Variants in NPHP4 observed in about 807,000 individuals in gnomAD.
NPHP4 encodes nephrocystin-4.
A neutral mutation model predicts 155.8 loss-of-function variants in NPHP4; 151 were observed. That is an observed-to-expected ratio of 0.97 (90% CI 0.85 to 1.11). The LOEUF (loss-of-function observed/expected upper bound fraction) is 1.11. Among genes scored for constraint, NPHP4 ranks in the 50% least tolerant of loss-of-function variants. NPHP4 has a pLI of 0.00. For missense variants in NPHP4, 1,956 were observed against 1,925.7 expected (o/e 1.02, Z -0.29); for synonymous variants, 845 against 816.8 (o/e 1.03, Z -0.59).
intron 11 of NPHP4, among the ~76,000 whole-genome samples, chr1:5,916,828 C>T (rs1474285021): frequency 6.6e-6 from 1 of 152,216 alleles, no homozygotes; most frequent in Non-Finnish European, 1.5e-5. Flanking sequence ...GCCAACATGG[C>T]GAAACCCCAT....
chr1:5,949,849 GCAAAGAC>G (rs1245710812), intron 7 of NPHP4, among the ~76,000 whole-genome samples: 1 of 152,252 alleles, frequency 6.6e-6, no homozygotes, highest in South Asian at 2.1e-4. Context: ...AGGGAAACCA[GCAAAGAC>G]CAAACCATGA....
intron 9 of NPHP4, among the ~76,000 whole-genome samples, chr1:5,934,195 A>G (rs1241665425): frequency 2.6e-5 from 4 of 152,138 alleles, no homozygotes; most frequent in African/African-American, 9.7e-5. Context: ...CTGCCTGCAG[A>G]TCCTGCAGGC....
chr1:5,914,325 A>G (rs1645351342), intron 11 of NPHP4, among the ~76,000 whole-genome samples: 1 of 148,664 alleles, frequency 6.7e-6, no homozygotes, highest in Admixed American at 6.8e-5. Flanking sequence ...TCCCAGCTAC[A>G]TGGGAGGCAG....
chr1:5,961,556 C>T (rs1177306515), intron 6 of NPHP4, among the ~76,000 whole-genome samples: 1 of 152,154 alleles, frequency 6.6e-6, no homozygotes, highest in Non-Finnish European at 1.5e-5. Flanking sequence ...ATTTTCCCAA[C>T]CAAAGCAGCC....
intron 6 of NPHP4, 106 bp from the exon 7 acceptor site, chr1:5,952,942 C>T (rs1326795528): frequency 5.7e-6 from 6 of 1,054,832 alleles, no homozygotes; most frequent in East Asian, 5.4e-5. Context: ...CCTGCAGCAA[C>T]GAAGGGTGCT....
intron 1 of NPHP4, among the ~76,000 whole-genome samples, chr1:5,987,530 G>A (rs1655666572): frequency 6.6e-6 from 1 of 152,128 alleles, no homozygotes; most frequent in Non-Finnish European, 1.5e-5. Context: ...TGGTTGGGTT[G>A]AGTGAGGTCC....
chr1:5,907,653 G>A lies in NPHP4; in HGVS notation c.1504-431C>T, dbSNP rs116810488. 9.9e-3 allele frequency among the ~76,000 whole-genome samples: 1,500 copies of A among 152,278 alleles called. 26 individuals are homozygous for A. The highest frequency in any genetic ancestry group is 0.033 in the African/African-American group (1,381 of 41,538). Reference sequence around the variant, plus strand: ...GGCAATGACCATCTTGATGGCCAGCGCGGGCTCTGGAGACAGCTGTGGATA... The same window carrying A: ...GGCAATGACCATCTTGATGGCCAGCACGGGCTCTGGAGACAGCTGTGGATA... On this transcript the variant is annotated intron_variant, in intron 12 of 29. Transcript: ENST00000378156.
At chr1:5,991,501 AG>A (rs1353350753) in intron 1 of NPHP4, 2 of 152,264 alleles carry the variant, frequency 1.3e-5, no homozygotes, top group Admixed American at 6.5e-5. Context: ...CGACACACGG[AG>A]GCAGAAAGCA....
intron 1 of NPHP4, among the ~76,000 whole-genome samples, chr1:5,990,704 T>G (rs1278359024): frequency 1.3e-5 from 2 of 152,142 alleles, no homozygotes; most frequent in Non-Finnish European, 2.9e-5. Flanking sequence ...TACCTCCCAC[T>G]ACCTCAATCA....
Position 5,910,277 on chromosome 1 carries a change from TC to T in NPHP4, c.1442-1065del, listed in dbSNP as rs1351206505. On this transcript the variant is annotated intron_variant, in intron 11 of 29. Coordinates refer to ENST00000378156, the MANE Select transcript of NPHP4 (RefSeq NM_015102.5). This position sits in a 1 kb window ranked among gnomAD's most constrained non-coding sequence, Gnocchi z 5.4. ...AGCCCAGTCTCCAGCCCATGTCCTG[TC>T]CCCACCTGGCTCATGACAGCCTCCT... Among the ~76,000 whole-genome samples the T allele has an allele frequency of 6.6e-6, 1 of 152,044 alleles. No homozygotes were observed. Among genetic ancestry groups the T allele is most frequent in the East Asian group, 1.9e-4 (1 of 5,180 alleles).
chr1:5,965,797 T>C (rs997204457), intron 5 of NPHP4, among the ~76,000 whole-genome samples: 2 of 152,158 alleles, frequency 1.3e-5, no homozygotes, highest in Non-Finnish European at 2.9e-5. Context: ...CTCTTCTGGA[T>C]AGTCTACGGA....
intron 11 of NPHP4, among the ~76,000 whole-genome samples, chr1:5,914,472 G>C (rs1214793964): frequency 6.6e-6 from 1 of 152,078 alleles, no homozygotes; most frequent in African/African-American, 2.4e-5. Flanking sequence ...GGGAGTCCCG[G>C]CACTGCCAGG....
At chr1:5,942,553 G>GAAAA in intron 9 of NPHP4, among the ~76,000 whole-genome samples, 1 of 101,352 alleles carries the variant, frequency 9.9e-6, no homozygotes, top group Non-Finnish European at 2.1e-5. Flanking sequence ...AAAAAAAAAG[G>GAAAA]AGACTAAAAT....
rs575438284 is a variant in NPHP4 at position 5,914,257 on chromosome 1, CAAAAAAAAAAAAAA to C, written c.1442-5058_1442-5045del. On this transcript the variant is annotated intron_variant, in intron 11 of 29. Transcript: ENST00000378156. Reference sequence around the variant, plus strand: ...GCAACATGGCAAAATCTTATCTATACAAAAAAAAAAAAAAAAAAAAAAAAAAAAAGGCCTGGTGT... The same window carrying C: ...GCAACATGGCAAAATCTTATCTATACAAAAAAAAAAAAAAAGGCCTGGTGT... Among the ~76,000 whole-genome samples, 258 of 47,422 alleles carry C rather than the reference CAAAAAAAAAAAAAA, an allele frequency of 5.4e-3. 3 individuals carry two copies. Among genetic ancestry groups the C allele is most frequent in the African/African-American group, 0.014 (227 of 16,210 alleles). 31.1% of individuals were successfully genotyped at this position (47,422 alleles called of 152,430 possible). A position where few individuals can be genotyped will look rare whatever the true frequency, so the allele number is the denominator to read the frequency against.
At chr1:5,975,884 C>T (rs1653469311) in intron 3 of NPHP4, among the ~76,000 whole-genome samples, 1 of 152,198 alleles carries the variant, frequency 6.6e-6, no homozygotes, top group African/African-American at 2.4e-5. Context: ...CTACAGGGAT[C>T]AGGATTCTAC....
At chr1:5,932,851 C>G (rs1441055213) in intron 10 of NPHP4, among the ~76,000 whole-genome samples, 1 of 152,154 alleles carries the variant, frequency 6.6e-6, no homozygotes, top group African/African-American at 2.4e-5. Flanking sequence ...CTCCAATGCT[C>G]CAAACGTGCA....
Position 5,922,069 on chromosome 1 carries a change from T to C in NPHP4, c.1441+5580A>G, listed in dbSNP as rs147099490. ...GGCCCAATGTACTCACAATAGTCTT[T>C]GTAAGTGAAAGGCAGGGAGGCAGGA... On this transcript the variant is annotated intron_variant, in intron 11 of 29. Coordinates refer to ENST00000378156, the MANE Select transcript of NPHP4 (RefSeq NM_015102.5). Among the ~76,000 whole-genome samples, 28 of 152,324 alleles carry C rather than the reference T, an allele frequency of 1.8e-4. No homozygotes were observed. The East Asian group carries it at 4.2e-3, about 23-fold the overall frequency.
rs533938727 is a variant in NPHP4, at chr1:5,902,642, C to T, written c.2143+1975G>A. On this transcript the variant is annotated intron_variant, in intron 16 of 29. Coordinates refer to ENST00000378156, the MANE Select transcript of NPHP4 (RefSeq NM_015102.5). ...TACTGGGTTTGTTCTGTCTTTCTCC[C>T]CAAAACTTCTTAAGTTGAACAATTA... Among the ~76,000 whole-genome samples the T allele has an allele frequency of 2.1e-3, 318 of 152,200 alleles. 1 individual carries two copies. The highest frequency in any genetic ancestry group is 3.9e-3 in the Non-Finnish European group (268 of 68,020).
intron 3 of NPHP4, among the ~76,000 whole-genome samples, chr1:5,972,011 A>C (rs1652659276): frequency 6.6e-6 from 1 of 152,250 alleles, no homozygotes; most frequent in African/African-American, 2.4e-5. Context: ...CTCGGGGCCC[A>C]GTTTCCATTT....
Sources: gnomAD v4.1 joint callset for allele counts (sites outside exome capture counted in the v4.1 genomes callset) on GRCh38, gnomAD v4.1.1 for gene constraint, Gnocchi (gnomAD v3.1) non-coding constraint, MANE v1.5 for transcripts, NCBI Gene and HGNC (gene_info 2026-07-23, HGNC 2026-07-21) for gene names.